The following RGS7BP variants were observed in gnomAD, a reference collection of about 807,000 sequenced individuals.
RGS7BP encodes regulator of G protein signaling 7-binding protein.
RGS7BP carries 9 observed loss-of-function variants against 31.3 expected under a neutral mutation model. That is an observed-to-expected ratio of 0.29 (90% CI 0.17 to 0.50). The LOEUF is 0.50. Ranked by LOEUF, RGS7BP falls within the 20% of genes least tolerant of loss-of-function variation. The pLI, the probability that RGS7BP is intolerant of heterozygous loss-of-function variation, is 0.98. For missense variants in RGS7BP, 274 were observed against 322.0 expected, an observed-to-expected ratio of 0.85 and a Z score of 1.14; for synonymous variants, 115 against 120.1, an observed-to-expected ratio of 0.96 and a Z score of 0.28.
At chr5:64,580,940 G>A (rs1320181912) in intron 3 of RGS7BP, among the ~76,000 whole-genome samples, 2 of 152,188 alleles carry the variant, frequency 1.3e-5, no homozygotes, top group Admixed American at 1.3e-4. Flanking sequence ...GAGGCCAGGT[G>A]TGGTGGATCA....
At chr5:64,577,399 G>A (rs1483697267) in intron 3 of RGS7BP, among the ~76,000 whole-genome samples, 1 of 151,972 alleles carries the variant, frequency 6.6e-6, no homozygotes, top group East Asian at 1.9e-4. Flanking sequence ...CCAAGATCCG[G>A]CCACTGCATT....
intron 3 of RGS7BP, among the ~76,000 whole-genome samples, chr5:64,581,280 T>A (rs138984424): frequency 6.6e-6 from 1 of 152,330 alleles, no homozygotes; most frequent in East Asian, 1.9e-4. Context: ...TCCCTCTGTG[T>A]GAGTGCTAAA....
intron 2 of RGS7BP, among the ~76,000 whole-genome samples, chr5:64,551,953 A>C (rs1741805140): frequency 6.6e-6 from 1 of 152,188 alleles, no homozygotes; most frequent in Non-Finnish European, 1.5e-5. Context: ...AGTATACTAA[A>C]AACAGAAGCA....
At chr5:64,565,401 A>G (rs957723031) in intron 2 of RGS7BP, among the ~76,000 whole-genome samples, 1 of 152,150 alleles carries the variant, frequency 6.6e-6, no homozygotes, top group African/African-American at 2.4e-5. Context: ...ATCTGCAAGG[A>G]AATATACAAA....
At chr5:64,546,426 G>C (rs1190653464) in intron 2 of RGS7BP, among the ~76,000 whole-genome samples, 1 of 152,106 alleles carries the variant, frequency 6.6e-6, no homozygotes, top group African/African-American at 2.4e-5. Context: ...GAATTTCAAG[G>C]AGGAGCAAGA....
At chr5:64,570,064 C>T (rs1005263573) in intron 2 of RGS7BP, among the ~76,000 whole-genome samples, 4 of 152,078 alleles carry the variant, frequency 2.6e-5, no homozygotes, top group Non-Finnish European at 4.4e-5. Flanking sequence ...GAGTGATTGT[C>T]AATGAGGTCA....
intron 5 of RGS7BP, among the ~76,000 whole-genome samples, chr5:64,603,119 A>T (rs1192109281): frequency 6.6e-6 from 1 of 152,196 alleles, no homozygotes; most frequent in Non-Finnish European, 1.5e-5. Flanking sequence ...TTTGGGAGCC[A>T]CTGGAAGGAG....
chr5:64,602,999 A>T (rs762919212), intron 5 of RGS7BP, among the ~76,000 whole-genome samples: 14 of 152,310 alleles, frequency 9.2e-5, no homozygotes, highest in Non-Finnish European at 1.3e-4. Context: ...GGATTTTGAT[A>T]ACTGCAAGGA....
At chr5:64,545,344 C>T (rs1741630270) in intron 2 of RGS7BP, among the ~76,000 whole-genome samples, 1 of 151,702 alleles carries the variant, frequency 6.6e-6, no homozygotes, top group Non-Finnish European at 1.5e-5. Context: ...AGCACACCAA[C>T]ATGGCACATG....
At chr5:64,554,706 C>A (rs947245942) in intron 2 of RGS7BP, among the ~76,000 whole-genome samples, 3 of 152,058 alleles carry the variant, frequency 2.0e-5, no homozygotes, top group African/African-American at 4.8e-5. Context: ...AGTGAACATG[C>A]AAAGTCAACA....
At chr5:64,550,729 C>G (rs532845047) in intron 2 of RGS7BP, among the ~76,000 whole-genome samples, 470 of 121,746 alleles carry the variant, frequency 3.9e-3, no homozygotes, top group Non-Finnish European at 3.9e-3. Context: ...ATCCCTCCCC[C>G]CTCCCCCAAC....
At chr5:64,566,847 C>T (rs1050340120) in intron 2 of RGS7BP, among the ~76,000 whole-genome samples, 1 of 152,034 alleles carries the variant, frequency 6.6e-6, no homozygotes, top group Non-Finnish European at 1.5e-5. Flanking sequence ...CCTTTCAAGT[C>T]TAATCCTTTT....
chr5:64,595,599 G>C (rs1743043768), intron 4 of RGS7BP, among the ~76,000 whole-genome samples: 1 of 151,988 alleles, frequency 6.6e-6, no homozygotes, highest in South Asian at 2.1e-4. Flanking sequence ...CATTCTGCGA[G>C]GCAGAAAGAT....
At chr5:64,578,247 AG>A (rs1366242651) in intron 3 of RGS7BP, among the ~76,000 whole-genome samples, 1 of 152,226 alleles carries the variant, frequency 6.6e-6, no homozygotes, top group African/African-American at 2.4e-5. Context: ...AAAAATAATC[AG>A]AAAAACTGCT....
chr5:64,586,586 A>C lies in RGS7BP; in HGVS notation c.464-8124A>C, dbSNP rs138859654. Among the ~76,000 whole-genome samples the C allele has an allele frequency of 4.2e-3, 638 of 152,306 alleles. 4 individuals carry two copies. Among genetic ancestry groups the C allele is most frequent in the Admixed American group, 8.1e-3 (124 of 15,298 alleles). On this transcript the variant is annotated intron_variant, in intron 3 of 5. Transcript: ENST00000334025. ...CTCAATGTGTCCCTCAAGCATTTCC[A>C]TGACACTAATAATGGCATATGTTAC... is the stretch of plus-strand genomic sequence containing the variant.
chr5:64,506,736 A>T lies in RGS7BP; in HGVS notation c.112A>T (p.Ser38Cys). 6.2e-7 allele frequency: 1 copy of T among 1,606,416 alleles called. No homozygotes were observed. The highest frequency in any genetic ancestry group is 8.5e-7 in the Non-Finnish European group (1 of 1,173,986). ...LQSGDWERRG[S>C]GSESAHKTQR... is the part of the protein sequence containing the mutation. Reference sequence around the variant, plus strand: ...GAGCGGAGATTGGGAGCGCAGGGGCAGCGGCTCCGAGAGCGCCCACAAAAC... The same window carrying T: ...GAGCGGAGATTGGGAGCGCAGGGGCTGCGGCTCCGAGAGCGCCCACAAAAC... The change falls in exon 1 of 6, where the codon AGC (serine) becomes TGC (cysteine). Residue 38 changes from serine (S) to cysteine (C), a missense_variant. Physicochemically the swap from Ser to Cys is moderately radical, Grantham distance 112. This residue lies in a region of RGS7BP where 149 missense variants were observed against 152.6 expected (regional missense o/e 0.98). Coordinates refer to ENST00000334025, the MANE Select transcript of RGS7BP (RefSeq NM_001029875.3). This position sits in a 1 kb window ranked among gnomAD's most constrained non-coding sequence, Gnocchi z 4.6.
chr5:64,540,198 A>G (rs2457216), intron 2 of RGS7BP, among the ~76,000 whole-genome samples: 35,904 of 152,112 alleles, frequency 0.24, 4,963 homozygotes, highest in South Asian at 0.37. Context: ...TTTATTGCAG[A>G]AAGTTTAGAA....
intron 2 of RGS7BP, among the ~76,000 whole-genome samples, chr5:64,565,958 A>T (rs1742159141): frequency 6.6e-6 from 1 of 152,138 alleles, no homozygotes; most frequent in African/African-American, 2.4e-5. Context: ...CAGTGAAAAG[A>T]CAATAACACT....
chr5:64,544,549 C>G (rs546426598), intron 2 of RGS7BP, among the ~76,000 whole-genome samples: 1 of 151,408 alleles, frequency 6.6e-6, no homozygotes, highest in African/African-American at 2.4e-5. Flanking sequence ...TGGTGCATGC[C>G]TATAGTCCTA....
Sources: allele counts gnomAD v4.1 joint callset (sites outside exome capture counted in the v4.1 genomes callset), GRCh38; gene constraint gnomAD v4.1.1; regional missense constraint gnomAD v4.1.1; non-coding constraint Gnocchi (gnomAD v3.1); transcripts MANE v1.5; gene names NCBI Gene and HGNC (gene_info 2026-07-23, HGNC 2026-07-21).